The following CASK variants were observed in gnomAD, a reference collection of about 807,000 sequenced individuals.
CASK encodes peripheral plasma membrane protein CASK.
Under a neutral mutation model 82.9 loss-of-function variants are expected in CASK, and 4 were observed. The ratio of observed to expected loss-of-function variants is 0.05; its 90% CI spans 0.02 to 0.11. The LOEUF (loss-of-function observed/expected upper bound fraction) is 0.11. Ranked by LOEUF, CASK falls within the 10% of genes least tolerant of loss-of-function variation. The pLI is 1.00. For synonymous variants in CASK, 259 were observed against 253.5 expected (o/e 1.02, Z -0.20); for missense variants, 358 against 720.9 (o/e 0.50, Z 5.76).
intron 3 of CASK, among the ~76,000 whole-genome samples, chrX:41,747,305 C>T (rs902550411): frequency 9.0e-6 from 1 of 111,306 alleles, no homozygotes; most frequent in Non-Finnish European, 1.9e-5. Context: ...AGTCTACTCC[C>T]TAGTATGGCA....
chrX:41,733,618 G>A (rs1037320718), intron 5 of CASK, among the ~76,000 whole-genome samples: 17 of 108,270 alleles, frequency 1.6e-4, no homozygotes, highest in Non-Finnish European at 3.1e-4. Context: ...GCATGGTGGC[G>A]GGCACCTGTA....
chrX:41,716,275 T>A (rs758771024), intron 5 of CASK, among the ~76,000 whole-genome samples: 83 of 112,265 alleles, frequency 7.4e-4, no homozygotes, highest in Admixed American at 1.0e-3. Context: ...GATATCTTCC[T>A]CAGAGTAACG....
intron 12 of CASK, among the ~76,000 whole-genome samples, chrX:41,598,010 A>C (rs1202198558): frequency 9.2e-6 from 1 of 108,848 alleles, no homozygotes; most frequent in Non-Finnish European, 1.9e-5. Context: ...GTGGTGGCGC[A>C]CTCCTGTAAT....
intron 8 of CASK, among the ~76,000 whole-genome samples, chrX:41,647,217 G>A (rs1398198060): frequency 8.9e-6 from 1 of 112,531 alleles, no homozygotes; most frequent in Non-Finnish European, 1.9e-5. Context: ...ACATCGCATT[G>A]CAAATGCAGT....
At chrX:41,563,355 T>TC (rs2065259522) in intron 16 of CASK, among the ~76,000 whole-genome samples, 1 of 33,194 alleles carries the variant, frequency 3.0e-5, no homozygotes, top group African/African-American at 1.4e-4. Flanking sequence ...AGACCCTGTC[T>TC]CAAAAAAAAA....
chrX:41,569,891 G>A (rs769185718), intron 15 of CASK, 145 bp from the exon 16 acceptor site: 1 of 433,972 alleles, frequency 2.3e-6, no homozygotes, highest in South Asian at 4.1e-5. Flanking sequence ...AGACCATCCA[G>A]TATGCCACGC....
chrX:41,781,676 T>C (rs963757559), intron 3 of CASK, among the ~76,000 whole-genome samples: 1 of 111,497 alleles, frequency 9.0e-6, no homozygotes, highest in Non-Finnish European at 1.9e-5. Flanking sequence ...AGAAGCAATC[T>C]CTCACCTAGC....
rs1332058569 is a variant in CASK, at chrX:41,517,762, TGTAGCA to T, written c.*2652_*2657del. The T allele has an allele frequency of 7.8e-5, 57 of 730,731 alleles. No individual in the cohort carries two copies. Among genetic ancestry groups the T allele is most frequent in the Non-Finnish European group, 1.1e-4 (55 of 496,143 alleles). The allele number at this position is 730,731 out of a possible 1,213,427, so 60.2% of individuals were successfully genotyped here. On this transcript the variant is annotated 3_prime_UTR_variant, in exon 27 of 27. Transcript: ENST00000378163. ...CTGATTGCTTAGTGGACAATTGTAA[TGTAGCA>T]GTAGCAGCAGCAGCAGCAGCAGCAG...
At chrX:41,736,880 C>A (rs190876113) in intron 5 of CASK, among the ~76,000 whole-genome samples, 91 of 111,924 alleles carry the variant, frequency 8.1e-4, no homozygotes, top group Middle Eastern at 4.7e-3. Context: ...CTGACCTCAT[C>A]TTTTAATGAT....
chrX:41,570,420 C>T (rs1282186551), intron 15 of CASK, among the ~76,000 whole-genome samples: 1 of 111,471 alleles, frequency 9.0e-6, no homozygotes, highest in African/African-American at 3.3e-5. Context: ...ATATAATTGA[C>T]ATACACATAT....
chrX:41,872,810 T>C (rs181811632), intron 1 of CASK, among the ~76,000 whole-genome samples: 3 of 111,014 alleles, frequency 2.7e-5, no homozygotes, highest in African/African-American at 9.8e-5. Flanking sequence ...ATCATTCTCC[T>C]TCAGCTCCTC....
intron 14 of CASK, among the ~76,000 whole-genome samples, chrX:41,580,562 A>T (rs910012756): frequency 3.6e-5 from 4 of 111,746 alleles, no homozygotes; most frequent in Admixed American, 2.9e-4. Flanking sequence ...CTCAAACTGG[A>T]CTCTAAAAGA....
intron 8 of CASK, among the ~76,000 whole-genome samples, chrX:41,643,071 T>G (rs1178361016): frequency 8.9e-6 from 1 of 111,830 alleles, no homozygotes; most frequent in East Asian, 2.8e-4. Context: ...TGTGTGGTAT[T>G]ATTTCTGAGG....
intron 22 of CASK, among the ~76,000 whole-genome samples, chrX:41,539,474 T>C (rs950903822): frequency 1.3e-4 from 15 of 112,032 alleles, no homozygotes; most frequent in Non-Finnish European, 2.6e-4. Flanking sequence ...GAGTACTGTA[T>C]TTTACCATCA....
chrX:41,839,611 T>G (rs1331857396), intron 2 of CASK, among the ~76,000 whole-genome samples: 1 of 110,008 alleles, frequency 9.1e-6, no homozygotes, highest in Admixed American at 9.7e-5. Context: ...GTTTCATTTC[T>G]TTCTTTCCAA....
rs908692687 is a variant in CASK, at chrX:41,516,616, T to G, written c.*3804A>C. On this transcript the variant is annotated 3_prime_UTR_variant, in exon 27 of 27. Coordinates refer to ENST00000378163, the MANE Select transcript of CASK (RefSeq NM_001367721.1). ...GTAAGCCCTAGTCAAGAGGATGGAA[T>G]TAGGAGGCTGTGTTCAGTTCTGAGA... 1 of 111,207 alleles carries G rather than the reference T, an allele frequency of 9.0e-6. No homozygotes were observed. The highest frequency in any genetic ancestry group is 1.9e-5 in the Non-Finnish European group (1 of 53,056). The allele number at this position is 111,207 out of a possible 1,213,427, so 9.2% of individuals were successfully genotyped here. A position where few individuals can be genotyped will look rare whatever the true frequency, so the allele number is the denominator to read the frequency against.
chrX:41,761,632 C>T (rs1365174767), intron 3 of CASK, among the ~76,000 whole-genome samples: 3 of 111,799 alleles, frequency 2.7e-5, no homozygotes, highest in Non-Finnish European at 5.6e-5. Context: ...GGTATTTGCT[C>T]AAGATTAAAT....
chrX:41,666,952 G>A (rs2067127200), intron 6 of CASK, among the ~76,000 whole-genome samples: 1 of 111,001 alleles, frequency 9.0e-6, no homozygotes, highest in African/African-American at 3.3e-5. Context: ...GCAGGAGTAG[G>A]GGAAACCAGT....
At chrX:41,772,523 T>A (rs1373234343) in intron 3 of CASK, among the ~76,000 whole-genome samples, 2 of 110,789 alleles carry the variant, frequency 1.8e-5, no homozygotes, top group African/African-American at 6.6e-5. Flanking sequence ...ATTATGAACT[T>A]TATGCCAAAA....
Sources: allele counts gnomAD v4.1 joint callset (sites outside exome capture counted in the v4.1 genomes callset), GRCh38; gene constraint gnomAD v4.1.1; transcripts MANE v1.5; gene names NCBI Gene and HGNC (gene_info 2026-07-23, HGNC 2026-07-21).